ZC3H7B: variants seen among roughly 807,000 people sequenced by gnomAD.
ZC3H7B encodes zinc finger CCCH domain-containing protein 7B.
In ZC3H7B, 35 loss-of-function variants were observed where a neutral mutation model predicts 116.0. The observed-to-expected ratio is 0.30, with a 90% CI of 0.23 to 0.40. ZC3H7B has a LOEUF of 0.40. ZC3H7B is among the 10% of genes least tolerant of loss of function. ZC3H7B has a pLI of 1.00. For missense variants in ZC3H7B, 1,011 were observed against 1,321.5 expected (o/e 0.77, Z 3.64); for synonymous variants, 502 against 545.6 (o/e 0.92, Z 1.11).
intron 17 of ZC3H7B, 26 bp from the exon 18 acceptor site, chr22:41,355,443 C>A (rs765254658): frequency 1.2e-6 from 2 of 1,612,618 alleles, no homozygotes; most frequent in Non-Finnish European, 1.7e-6. Context: ...GCAGCTTCAC[C>A]AACCCCCCTC....
intron 15 of ZC3H7B, 42 bp downstream of exon 15, chr22:41,348,209 T>C (rs758330862): frequency 6.4e-7 from 1 of 1,564,700 alleles, no homozygotes; most frequent in Non-Finnish European, 8.8e-7. Context: ...TAGGGGCCAG[T>C]GGAGAGTCCC....
intron 1 of ZC3H7B, among the ~76,000 whole-genome samples, chr22:41,317,166 G>C (rs1334440806): frequency 6.6e-6 from 1 of 151,914 alleles, no homozygotes; most frequent in African/African-American, 2.4e-5. Context: ...TTTTGGTAGA[G>C]ATGGGGTTTC....
intron 1 of ZC3H7B, among the ~76,000 whole-genome samples, chr22:41,319,111 A>C (rs2036220253): frequency 6.6e-6 from 1 of 152,126 alleles, no homozygotes; most frequent in African/African-American, 2.4e-5. Flanking sequence ...TGTACTAAAA[A>C]TACAAAAAGG....
intron 17 of ZC3H7B, among the ~76,000 whole-genome samples, chr22:41,355,211 G>A (rs1202400809): frequency 1.3e-5 from 2 of 152,192 alleles, no homozygotes; most frequent in South Asian, 2.1e-4. Flanking sequence ...GGGAAATGCA[G>A]CATCCACAAA....
intron 2 of ZC3H7B, among the ~76,000 whole-genome samples, chr22:41,324,409 C>T (rs986848841): frequency 9.2e-5 from 14 of 152,216 alleles, no homozygotes; most frequent in Non-Finnish European, 2.1e-4. Flanking sequence ...GCAGCATCTC[C>T]AGGCAACGGA....
chr22:41,319,206 C>T (rs925911018), intron 1 of ZC3H7B, among the ~76,000 whole-genome samples: 4 of 152,118 alleles, frequency 2.6e-5, no homozygotes, highest in Non-Finnish European at 4.4e-5. Flanking sequence ...TCGAGACCAT[C>T]CTGGCTAACA....
Position 41,323,588 on chromosome 22 carries a change from G to A in ZC3H7B, c.54-1976G>A, listed in dbSNP as rs1601772735. On this transcript the variant is annotated intron_variant, in intron 2 of 22. Coordinates refer to ENST00000352645, the MANE Select transcript of ZC3H7B (RefSeq NM_017590.6). ...CCAGCTACAAGGCAGCCTCCCCGAA[G>A]CCGTCTGTTGGCCTCCTAAGGCTTT... is the stretch of plus-strand genomic sequence containing the variant. Among the ~76,000 whole-genome samples the A allele has an allele frequency of 3.9e-5, 6 of 152,330 alleles. 1 individual carries two copies. The South Asian group carries it at 1.2e-3, about 32-fold the overall frequency.
chr22:41,343,460 A>G lies in ZC3H7B; in HGVS notation c.1343A>G (p.Lys448Arg), dbSNP rs777965500. ...ACCTACCGTGAGGGCCTTGAGCACA[A>G]GTGCAAGCGGGACATCCTGCTCGGC... ...DYTYREGLEH[K>R]CKRDILLGRL... The change falls in exon 13 of 23, where the codon AAG becomes AGG. Residue 448 changes from lysine (K) to arginine (R), a missense_variant. By Grantham distance (26) the Lys-to-Arg change is conservative. Transcript: ENST00000352645. 3.1e-6 allele frequency: 5 copies of G among 1,613,820 alleles called. No homozygotes were observed. Among genetic ancestry groups the G allele is most frequent in the Non-Finnish European group, 4.2e-6 (5 of 1,179,838 alleles).
intron 17 of ZC3H7B, among the ~76,000 whole-genome samples, chr22:41,354,193 G>A (rs1268857034): frequency 2.6e-5 from 4 of 152,252 alleles, no homozygotes; most frequent in Non-Finnish European, 5.9e-5. Context: ...CCATACCCTC[G>A]GTGCCCCCTT....
Position 41,349,067 on chromosome 22 carries a change from G to T in ZC3H7B, c.1767-53G>T. The T allele has an allele frequency of 1.9e-6, 3 of 1,587,882 alleles. No individual in the cohort carries two copies. In the South Asian group the frequency reaches 3.4e-5, roughly 18 times the overall value. On this transcript the variant is annotated intron_variant, in intron 15 of 22. Coordinates refer to ENST00000352645, the MANE Select transcript of ZC3H7B (RefSeq NM_017590.6). This position sits in a 1 kb window ranked among gnomAD's most constrained non-coding sequence, Gnocchi z 4.9. ...GGAAGGTGGCCCTACCAGGAGAGAA[G>T]GTCAGAGGGGCTGCGGACTGCATCG...
chr22:41,314,903 C>T (rs901977034), intron 1 of ZC3H7B, among the ~76,000 whole-genome samples: 12 of 97,566 alleles, frequency 1.2e-4, no homozygotes, highest in African/African-American at 3.6e-4. Context: ...TCACCATGCC[C>T]GGCCAATCAT....
chr22:41,342,736 C>A, intron 12 of ZC3H7B, 108 bp downstream of exon 12: 3 of 1,163,126 alleles, frequency 2.6e-6, no homozygotes, highest in Non-Finnish European at 3.6e-6. Flanking sequence ...GAGATAAGTG[C>A]CAGAAATCAG....
intron 1 of ZC3H7B, among the ~76,000 whole-genome samples, chr22:41,319,568 TAAA>T (rs71202700): frequency 9.1e-5 from 6 of 65,650 alleles, no homozygotes; most frequent in Admixed American, 1.8e-4. Flanking sequence ...AGTCTCCGGC[TAAA>T]AAAAAAAAAA....
chr22:41,347,985 C>A, intron 14 of ZC3H7B, 82 bp from the exon 15 acceptor site: 1 of 1,214,712 alleles, frequency 8.2e-7, no homozygotes, highest in Non-Finnish European at 1.2e-6. Flanking sequence ...AGCTGTCCTT[C>A]CCCAGCTAGC....
intron 1 of ZC3H7B, among the ~76,000 whole-genome samples, chr22:41,319,226 C>T (rs1007213020): frequency 6.6e-6 from 1 of 152,148 alleles, no homozygotes; most frequent in South Asian, 2.1e-4. Context: ...ACGGTGAAAC[C>T]CCCTCTCTAC....
In ZC3H7B at chr22:41,349,770, G is replaced by C. The variant is rs1208642285; in HGVS notation, c.1948+469G>C. The stretch of plus-strand genomic sequence containing the variant: ...AGGGATTTACTGAGCACCTTCTCTT[G>C]TCAGGGCATTCAGCCATGGTCTAGT... On this transcript the variant is annotated intron_variant, in intron 16 of 22. Coordinates refer to ENST00000352645, the MANE Select transcript of ZC3H7B (RefSeq NM_017590.6). The surrounding 1 kb of genome is among the most constrained non-coding windows in gnomAD (Gnocchi z 4.9). Among the ~76,000 whole-genome samples the C allele has an allele frequency of 2.6e-5, 4 of 152,208 alleles. No individual in the cohort carries two copies. The highest frequency in any genetic ancestry group is 4.8e-5 in the African/African-American group (2 of 41,438).
At chr22:41,343,637 G>T (rs1293273829) in intron 13 of ZC3H7B, 61 bp downstream of exon 13, 4 of 1,494,416 alleles carry the variant, frequency 2.7e-6, no homozygotes, top group Non-Finnish European at 3.6e-6. Flanking sequence ...ACCCCCAGCC[G>T]CTGCTCTACT....
chr22:41,355,986 C>T lies in ZC3H7B; in HGVS notation c.2307C>T (p.Cys769=), dbSNP rs2036710578. The T allele has an allele frequency of 3.2e-6, 5 of 1,565,440 alleles. No homozygotes were observed. Among genetic ancestry groups the T allele is most frequent in the South Asian group, 2.4e-5 (2 of 83,720 alleles). Residue 769 remains cysteine, a synonymous_variant, in exon 20 of 23, where the codon TGC becomes TGT. Coordinates refer to ENST00000352645, the MANE Select transcript of ZC3H7B (RefSeq NM_017590.6). ...LCIHAQNGRK[C]QYVGNCSFAH... is the part of the protein sequence containing the mutation. ...TCCATGCACAGAACGGCCGCAAGTG[C>T]CAATATGTGGGGAACTGCTCCTTCG... is the stretch of plus-strand genomic sequence containing the variant.
chr22:41,346,261 G>A lies in ZC3H7B; in HGVS notation c.1665+53G>A. 6.3e-7 allele frequency: 1 copy of A among 1,584,500 alleles called. No homozygotes were observed. The highest frequency in any genetic ancestry group is 1.1e-5 in the South Asian group (1 of 89,832). On this transcript the variant is annotated intron_variant, in intron 14 of 22. Transcript: ENST00000352645. This position sits in a 1 kb window ranked among gnomAD's most constrained non-coding sequence, Gnocchi z 5.3. ...CATAGGCCATGGCACAGACAGGGCTGGGGATGCTCCCTGGCACGGACCACC... is the reference window on the plus strand; with the variant it reads ...CATAGGCCATGGCACAGACAGGGCTAGGGATGCTCCCTGGCACGGACCACC...
Sources: allele counts gnomAD v4.1 joint callset (sites outside exome capture counted in the v4.1 genomes callset), GRCh38; gene constraint gnomAD v4.1.1; non-coding constraint Gnocchi (gnomAD v3.1); transcripts MANE v1.5; gene names NCBI Gene and HGNC (gene_info 2026-07-23, HGNC 2026-07-21).